The following ZRANB3 variants were observed in gnomAD, a reference collection of about 807,000 sequenced individuals.
ZRANB3 encodes the protein zinc finger RANBP2-type containing 3, also known as DNA annealing helicase and endonuclease ZRANB3.
ZRANB3 carries 125 observed loss-of-function variants against 133.8 expected under a neutral mutation model. The observed-to-expected ratio is 0.93, with a 90% CI of 0.81 to 1.08. The LOEUF is 1.08. ZRANB3 is among the 50% of genes least tolerant of loss of function. The probability of loss-of-function intolerance (pLI) is 0.00; values close to 1 mark genes in which losing one functional copy is unlikely to be tolerated. For synonymous variants in ZRANB3, 387 were observed against 432.7 expected (o/e 0.89, Z 1.31); for missense variants, 1,229 against 1,275.5 (o/e 0.96, Z 0.56).
intron 2 of ZRANB3, among the ~76,000 whole-genome samples, chr2:135,458,844 T>C (rs570491058): frequency 5.9e-5 from 9 of 152,252 alleles, no homozygotes; most frequent in African/African-American, 1.2e-4. Context: ...GTACCTTACA[T>C]ACATTACTTT....
intron 12 of ZRANB3, among the ~76,000 whole-genome samples, chr2:135,232,181 G>C (rs1489502237): frequency 6.6e-6 from 1 of 152,202 alleles, no homozygotes; most frequent in Non-Finnish European, 1.5e-5. Context: ...CACCCATGGA[G>C]CCTTGCTCAT....
intron 2 of ZRANB3, among the ~76,000 whole-genome samples, chr2:135,492,075 A>G (rs1692408056): frequency 6.6e-6 from 1 of 152,222 alleles, no homozygotes; most frequent in African/African-American, 2.4e-5. Context: ...GGTTTATACT[A>G]AACGAAAACA....
intron 8 of ZRANB3, among the ~76,000 whole-genome samples, chr2:135,284,583 T>G (rs1285295166): frequency 6.6e-6 from 1 of 152,240 alleles, no homozygotes; most frequent in African/African-American, 2.4e-5. Context: ...GCCATTCTCC[T>G]GCCTCAGCCT....
At chr2:135,261,546 A>G (rs1031252108) in intron 12 of ZRANB3, among the ~76,000 whole-genome samples, 1 of 152,264 alleles carries the variant, frequency 6.6e-6, no homozygotes, top group Non-Finnish European at 1.5e-5. Context: ...TGGAAAATCT[A>G]TAAGACAACA....
chr2:135,236,712 G>A (rs1695302930), intron 12 of ZRANB3, among the ~76,000 whole-genome samples: 1 of 152,096 alleles, frequency 6.6e-6, no homozygotes, highest in South Asian at 2.1e-4. Context: ...TTAATAAATG[G>A]TGCTGGGAAA....
At chr2:135,222,128 G>A (rs1023351156) in intron 15 of ZRANB3, among the ~76,000 whole-genome samples, 6 of 152,012 alleles carry the variant, frequency 3.9e-5, no homozygotes, top group African/African-American at 1.4e-4. Flanking sequence ...TTTTAGGCTG[G>A]GCGTGGTGGC....
rs1039718923 is a variant in ZRANB3, at chr2:135,201,726, A to T, written c.3141+1106T>A. Among the ~76,000 whole-genome samples the T allele has an allele frequency of 3.3e-5, 5 of 152,164 alleles. 1 individual carries two copies. Among genetic ancestry groups the T allele is most frequent in the Admixed American group, 3.3e-4 (5 of 15,266 alleles). ...TTATAAACATTGGCAAAGGATCTGA[A>T]ATAGTACTCAAAAGTTTAAATATAA... On this transcript the variant is annotated intron_variant, in intron 20 of 20. Coordinates refer to ENST00000264159, the MANE Select transcript of ZRANB3 (RefSeq NM_032143.4).
chr2:135,244,608 AAAAT>A (rs144505977), intron 12 of ZRANB3, among the ~76,000 whole-genome samples: 222 of 150,978 alleles, frequency 1.5e-3, no homozygotes, highest in Middle Eastern at 6.8e-3. Flanking sequence ...CTCCATCTCA[AAAAT>A]AAATAAATAA....
At chr2:135,417,916 C>T (rs935403422) in intron 2 of ZRANB3, among the ~76,000 whole-genome samples, 3 of 151,942 alleles carry the variant, frequency 2.0e-5, no homozygotes, top group Non-Finnish European at 1.5e-5. Flanking sequence ...ACAATGAGAA[C>T]ACATGGACAC....
intron 2 of ZRANB3, among the ~76,000 whole-genome samples, chr2:135,496,959 G>C (rs1692700314): frequency 6.6e-6 from 1 of 152,158 alleles, no homozygotes; most frequent in Non-Finnish European, 1.5e-5. Flanking sequence ...TTGAGTGATG[G>C]TCTCATCCTT....
At chr2:135,284,286 T>G (rs966922409) in intron 8 of ZRANB3, among the ~76,000 whole-genome samples, 2 of 152,232 alleles carry the variant, frequency 1.3e-5, no homozygotes, top group African/African-American at 4.8e-5. Flanking sequence ...GATTGGCACA[T>G]AGTGAACATT....
intron 8 of ZRANB3, among the ~76,000 whole-genome samples, chr2:135,284,292 A>T (rs1681240872): frequency 6.6e-6 from 1 of 152,252 alleles, no homozygotes; most frequent in South Asian, 2.1e-4. Flanking sequence ...CACATAGTGA[A>T]CATTATAAAA....
chr2:135,349,543 C>T (rs1288251346), intron 5 of ZRANB3, among the ~76,000 whole-genome samples: 1 of 152,122 alleles, frequency 6.6e-6, no homozygotes, highest in Non-Finnish European at 1.5e-5. Flanking sequence ...TTTAGTTTCT[C>T]TTTACTTTTC....
chr2:135,375,290 C>T (rs549415500), intron 3 of ZRANB3, among the ~76,000 whole-genome samples: 26 of 152,224 alleles, frequency 1.7e-4, no homozygotes, highest in African/African-American at 5.5e-4. Context: ...AGAGAAAGAA[C>T]GCTTGCAGTC....
intron 11 of ZRANB3, among the ~76,000 whole-genome samples, chr2:135,267,986 CA>C (rs1469932716): frequency 6.6e-6 from 1 of 152,042 alleles, no homozygotes; most frequent in Non-Finnish European, 1.5e-5. Flanking sequence ...AAGCAGTAGT[CA>C]GCAACTTGGA....
chr2:135,219,229 G>T, intron 15 of ZRANB3, 51 bp from the exon 16 acceptor site: 1 of 1,149,614 alleles, frequency 8.7e-7, no homozygotes, highest in Non-Finnish European at 1.2e-6. Context: ...ATAGGCACTA[G>T]TAACTATTTT....
At chr2:135,416,294 A>T (rs1298601166) in intron 2 of ZRANB3, among the ~76,000 whole-genome samples, 3 of 152,186 alleles carry the variant, frequency 2.0e-5, no homozygotes, top group Non-Finnish European at 4.4e-5. Flanking sequence ...AAAAATCACA[A>T]GCATTCTTAT....
chr2:135,268,936 T>C, intron 11 of ZRANB3, 26 bp downstream of exon 11: 8 of 1,581,336 alleles, frequency 5.1e-6, no homozygotes, highest in Non-Finnish European at 6.9e-6. Context: ...AGTAAGCTGC[T>C]AACTTGATTT....
intron 12 of ZRANB3, among the ~76,000 whole-genome samples, chr2:135,232,239 G>A (rs1044992423): frequency 5.3e-5 from 8 of 152,210 alleles, no homozygotes; most frequent in African/African-American, 1.7e-4. Context: ...CAGTGAGGCT[G>A]GGGGAGGGGC....
Sources: allele counts gnomAD v4.1 joint callset (sites outside exome capture counted in the v4.1 genomes callset), GRCh38; gene constraint gnomAD v4.1.1; transcripts MANE v1.5; gene names NCBI Gene and HGNC (gene_info 2026-07-23, HGNC 2026-07-21).